KIRREL3: variants seen among roughly 807,000 people sequenced by gnomAD.
KIRREL3 encodes kin of IRRE-like protein 3.
A neutral mutation model predicts 89.7 loss-of-function variants in KIRREL3; 36 were observed. The ratio of observed to expected loss-of-function variants is 0.40; its 90% CI spans 0.31 to 0.53. The LOEUF (loss-of-function observed/expected upper bound fraction) is 0.53. Ranked by LOEUF, KIRREL3 falls within the 20% of genes least tolerant of loss-of-function variation. KIRREL3 has a pLI of 0.49. For missense variants in KIRREL3, 864 were observed against 1,056.6 expected, an observed-to-expected ratio of 0.82 and a Z score of 2.53; for synonymous variants, 445 against 441.4, an observed-to-expected ratio of 1.01 and a Z score of -0.10.
At position 126,976,188 on chromosome 11, in the gene KIRREL3, C is replaced by A. The variant is rs569620228; in HGVS notation, c.55+24267G>T. Among the ~76,000 whole-genome samples, 1 of 152,124 alleles carries A rather than the reference C, an allele frequency of 6.6e-6. No homozygotes were observed. Among genetic ancestry groups the A allele is most frequent in the East Asian group, 1.9e-4 (1 of 5,180 alleles). ...ATTGAGATTTCAATAAGATAACACT[C>A]CTCCAATTAAGACCCTGCAATATAC... On this transcript the variant is annotated intron_variant, in intron 1 of 16. Coordinates refer to ENST00000525144, the MANE Select transcript of KIRREL3 (RefSeq NM_032531.4). This position sits in a 1 kb window ranked among gnomAD's most constrained non-coding sequence, Gnocchi z 4.2.
At chr11:126,702,969 C>T (rs988512229) in intron 1 of KIRREL3, among the ~76,000 whole-genome samples, 1 of 152,242 alleles carries the variant, frequency 6.6e-6, no homozygotes, top group African/African-American at 2.4e-5. Context: ...TCTGGCTGGG[C>T]CCCTGAGGGC....
intron 1 of KIRREL3, among the ~76,000 whole-genome samples, chr11:126,818,529 C>T (rs531848658): frequency 1.3e-5 from 2 of 151,906 alleles, no homozygotes; most frequent in African/African-American, 4.8e-5. Context: ...ATGTCTATAC[C>T]TAGAATACTA....
In KIRREL3 at chr11:126,773,956, A is replaced by G. The variant is rs1271993844; in HGVS notation, c.56-211044T>C. Among the ~76,000 whole-genome samples, 1 of 152,106 alleles carries G rather than the reference A, an allele frequency of 6.6e-6. No individual in the cohort carries two copies. Among genetic ancestry groups the G allele is most frequent in the Non-Finnish European group, 1.5e-5 (1 of 68,030 alleles). On this transcript the variant is annotated intron_variant, in intron 1 of 16. Coordinates refer to ENST00000525144, the MANE Select transcript of KIRREL3 (RefSeq NM_032531.4). This position sits in a 1 kb window ranked among gnomAD's most constrained non-coding sequence, Gnocchi z 4.2. ...ACTCTTTTTTACTATTGAATATCTT[A>G]TCAAATAGGAACAAAGCCAGGGACA... is the stretch of plus-strand genomic sequence containing the variant.
At position 126,740,771 on chromosome 11, in the gene KIRREL3, C is replaced by A. The variant is rs1164570422; in HGVS notation, c.56-177859G>T. Among the ~76,000 whole-genome samples the A allele has an allele frequency of 6.6e-6, 1 of 152,054 alleles. No homozygotes were observed. Among genetic ancestry groups the A allele is most frequent in the Non-Finnish European group, 1.5e-5 (1 of 68,006 alleles). On this transcript the variant is annotated intron_variant, in intron 1 of 16. Transcript: ENST00000525144. This position sits in a 1 kb window ranked among gnomAD's most constrained non-coding sequence, Gnocchi z 6.0. ...AAATTTGTATTTTTGCATTGCTGGGCTAAAATATATCCTTTCCTTGTTGGG... is the reference window on the plus strand; with the variant it reads ...AAATTTGTATTTTTGCATTGCTGGGATAAAATATATCCTTTCCTTGTTGGG...
rs1324419803 is a variant in KIRREL3 at position 126,609,897 on chromosome 11, G to A, written c.56-46985C>T. Among the ~76,000 whole-genome samples the A allele has an allele frequency of 2.0e-5, 3 of 152,142 alleles. No individual in the cohort carries two copies. Among genetic ancestry groups the A allele is most frequent in the Non-Finnish European group, 4.4e-5 (3 of 68,036 alleles). ...TTAATAGAACCTGATGATGCGATAG[G>A]CACCGAGATAAGAATTTTATGTGGA... On this transcript the variant is annotated intron_variant, in intron 1 of 16. Transcript: ENST00000525144. The surrounding 1 kb of genome is among the most constrained non-coding windows in gnomAD (Gnocchi z 5.0).
intron 1 of KIRREL3, among the ~76,000 whole-genome samples, chr11:126,693,015 A>G (rs1049401807): frequency 6.6e-6 from 1 of 152,220 alleles, no homozygotes; most frequent in African/African-American, 2.4e-5. Flanking sequence ...AGAAGCTTGC[A>G]TGCTCCTGCT....
rs1027361909 is a variant in KIRREL3 at position 126,569,706 on chromosome 11, A to G, written c.56-6794T>C. 1.3e-5 allele frequency among the ~76,000 whole-genome samples: 2 copies of G among 152,328 alleles called. No individual in the cohort carries two copies. The highest frequency in any genetic ancestry group is 3.9e-4 in the East Asian group (2 of 5,192). ...TCTTACTGCAGGAGTCCCCAGGAGG[A>G]AAAGACAGCTTCAGGCTGTGGGATG... On this transcript the variant is annotated intron_variant, in intron 1 of 16. Coordinates refer to ENST00000525144, the MANE Select transcript of KIRREL3 (RefSeq NM_032531.4). The surrounding 1 kb of genome is among the most constrained non-coding windows in gnomAD (Gnocchi z 6.5).
At chr11:126,733,845 G>A (rs954672793) in intron 1 of KIRREL3, among the ~76,000 whole-genome samples, 1 of 152,196 alleles carries the variant, frequency 6.6e-6, no homozygotes, top group African/African-American at 2.4e-5. Context: ...AACAAGATGT[G>A]TCATGCCTAT....
At chr11:126,799,211 T>C (rs1456860671) in intron 1 of KIRREL3, among the ~76,000 whole-genome samples, 2 of 151,488 alleles carry the variant, frequency 1.3e-5, no homozygotes, top group Non-Finnish European at 2.9e-5. Context: ...TGCATGTGTG[T>C]ATCTGTGTGT....
intron 1 of KIRREL3, among the ~76,000 whole-genome samples, chr11:126,868,742 G>A (rs1440547823): frequency 6.6e-6 from 1 of 151,914 alleles, no homozygotes; most frequent in African/African-American, 2.4e-5. Flanking sequence ...AGTCTGCTTG[G>A]GGCTGCTATA....
At chr11:126,959,546 T>G (rs945333134) in intron 1 of KIRREL3, among the ~76,000 whole-genome samples, 3 of 152,238 alleles carry the variant, frequency 2.0e-5, no homozygotes, top group Admixed American at 2.0e-4. Context: ...ACCACACTTA[T>G]GTTGGAAAAT....
At chr11:126,960,390 C>T (rs939782310) in intron 1 of KIRREL3, among the ~76,000 whole-genome samples, 1 of 152,102 alleles carries the variant, frequency 6.6e-6, no homozygotes, top group Non-Finnish European at 1.5e-5. Context: ...CTGAACCAAA[C>T]GTAGTTTTTC....
chr11:126,884,712 C>T (rs1350612747), intron 1 of KIRREL3, among the ~76,000 whole-genome samples: 2 of 151,680 alleles, frequency 1.3e-5, no homozygotes, highest in Non-Finnish European at 2.9e-5. Context: ...TTTGAGGCAT[C>T]TTCTAGAGAA....
At chr11:126,849,054 C>T (rs1204883026) in intron 1 of KIRREL3, among the ~76,000 whole-genome samples, 2 of 152,142 alleles carry the variant, frequency 1.3e-5, no homozygotes, top group Admixed American at 1.3e-4. Context: ...GGGCTGCATT[C>T]CCAGTAAGTG....
intron 1 of KIRREL3, among the ~76,000 whole-genome samples, chr11:126,661,858 G>A (rs534771611): frequency 6.6e-6 from 1 of 152,302 alleles, no homozygotes; most frequent in East Asian, 1.9e-4. Context: ...CCGAGCTAAA[G>A]CCTCTTTAGT....
Position 126,863,492 on chromosome 11 carries a change from TGTGTGA to T in KIRREL3, c.55+136957_55+136962del, listed in dbSNP as rs754690154. 5.0e-3 allele frequency among the ~76,000 whole-genome samples: 255 copies of T among 50,750 alleles called. 4 individuals carry two copies. In the East Asian group the frequency reaches 0.13, roughly 26 times the overall value. 33.3% of individuals were successfully genotyped at this position (50,750 alleles called of 152,430 possible). On this transcript the variant is annotated intron_variant, in intron 1 of 16. Transcript: ENST00000525144. Reference sequence around the variant, plus strand: ...GTGTGTGAGTGCGTGTGTGAGTGCGTGTGTGAGTGTGAGTGCGTGTGTGTTTGAGTG... The same window carrying T: ...GTGTGTGAGTGCGTGTGTGAGTGCGTGTGTGAGTGCGTGTGTGTTTGAGTG...
In KIRREL3 at chr11:126,606,244, C is replaced by T. The variant is rs1026422563; in HGVS notation, c.56-43332G>A. 6.2e-4 allele frequency among the ~76,000 whole-genome samples: 94 copies of T among 152,262 alleles called. No homozygotes were observed. Among genetic ancestry groups the T allele is most frequent in the Middle Eastern group, 6.8e-3 (2 of 294 alleles). ...TGTTAAAATATTATTTTTATGAAGG[C>T]ACAGTTTAGTATGGTGTTTATGAGA... On this transcript the variant is annotated intron_variant, in intron 1 of 16. Coordinates refer to ENST00000525144, the MANE Select transcript of KIRREL3 (RefSeq NM_032531.4). The surrounding 1 kb of genome is among the most constrained non-coding windows in gnomAD (Gnocchi z 4.6).
chr11:126,919,978 T>C (rs1947204090), intron 1 of KIRREL3, among the ~76,000 whole-genome samples: 2 of 152,322 alleles, frequency 1.3e-5, no homozygotes, highest in Non-Finnish European at 1.5e-5. Context: ...TATTGAACAA[T>C]GACTACATAC....
At chr11:126,919,023 T>TTATGTGTATACATA (rs1397869012) in intron 1 of KIRREL3, among the ~76,000 whole-genome samples, 2 of 149,786 alleles carry the variant, frequency 1.3e-5, no homozygotes, top group East Asian at 3.9e-4. Flanking sequence ...ATATGTATTA[T>TTATGTGTATACATA]TATGTGTATT....
Sources: allele counts gnomAD v4.1 joint callset (sites outside exome capture counted in the v4.1 genomes callset), GRCh38; gene constraint gnomAD v4.1.1; non-coding constraint Gnocchi (gnomAD v3.1); transcripts MANE v1.5; gene names NCBI Gene and HGNC (gene_info 2026-07-23, HGNC 2026-07-21).